Variants in PALLD observed in about 807,000 individuals in gnomAD.
The protein encoded by PALLD is palladin.
Under a neutral mutation model 123.5 loss-of-function variants are expected in PALLD, and 61 were observed. The observed-to-expected ratio is 0.49, with a 90% CI of 0.40 to 0.61. The LOEUF (loss-of-function observed/expected upper bound fraction) is 0.61, where lower values mean the gene tolerates loss of function less well. Ranked by LOEUF, PALLD falls within the 20% of genes least tolerant of loss-of-function variation. The pLI is 0.00. For missense variants in PALLD, 1,273 were observed against 1,377.0 expected, an observed-to-expected ratio of 0.92 and a Z score of 1.20; for synonymous variants, 465 against 496.4, an observed-to-expected ratio of 0.94 and a Z score of 0.84.
At chr4:168,561,401 A>G (rs1168525235) in intron 2 of PALLD, among the ~76,000 whole-genome samples, 1 of 152,134 alleles carries the variant, frequency 6.6e-6, no homozygotes, top group Admixed American at 6.5e-5. Flanking sequence ...AGCTGGGACT[A>G]CAGGCTACTA....
At position 168,574,315 on chromosome 4, in the gene PALLD, T is replaced by TAAGA. The variant is rs1057024299; in HGVS notation, c.908+61918_908+61921dup. Reference sequence around the variant, plus strand: ...AAAAACCCCCAAAGAAACAAAAAATTAAGAAAGAAAGAAAGAAAATGCTCA... The same window carrying TAAGA: ...AAAAACCCCCAAAGAAACAAAAAATTAAGAAAGAAAGAAAGAAAGAAAATGCTCA... On this transcript the variant is annotated intron_variant, in intron 2 of 21. Coordinates refer to ENST00000505667, the MANE Select transcript of PALLD (RefSeq NM_001166108.2). Among the ~76,000 whole-genome samples the TAAGA allele has an allele frequency of 7.9e-5, 12 of 152,116 alleles. No homozygotes were observed. In the East Asian group the frequency reaches 1.2e-3, roughly 15 times the overall value.
chr4:168,790,573 T>TC (rs990237383), intron 10 of PALLD, among the ~76,000 whole-genome samples: 2 of 152,226 alleles, frequency 1.3e-5, no homozygotes, highest in African/African-American at 4.8e-5. Flanking sequence ...ATCTATGCTT[T>TC]CTCACTGATT....
intron 2 of PALLD, among the ~76,000 whole-genome samples, chr4:168,586,731 A>T (rs1770859597): frequency 6.6e-6 from 1 of 152,166 alleles, no homozygotes; most frequent in Admixed American, 6.5e-5. Flanking sequence ...GGCACTCTGG[A>T]CATCCATGGA....
intron 2 of PALLD, among the ~76,000 whole-genome samples, chr4:168,660,521 C>T (rs1195073490): frequency 2.0e-5 from 3 of 152,136 alleles, no homozygotes; most frequent in Non-Finnish European, 4.4e-5. Context: ...TTTTTGGCAC[C>T]ATCTAATTTT....
At chr4:168,888,794 T>C (rs55712660) in intron 10 of PALLD, among the ~76,000 whole-genome samples, 3,824 of 152,012 alleles carry the variant, frequency 0.025, 160 homozygotes, top group African/African-American at 0.088. Context: ...TATAAGCACA[T>C]TGAAGGGTGA....
chr4:168,926,620 T>C lies in PALLD; in HGVS notation c.*440T>C, dbSNP rs1159517444. 1 of 428,010 alleles carries C rather than the reference T, an allele frequency of 2.3e-6. No homozygotes were observed. The allele number at this position is 428,010 out of a possible 1,614,324, so 26.5% of individuals were successfully genotyped here. ...ACATTTACTGTCCAATTTAAAACTT[T>C]GGAATTGCTGTGATTAAAGTGATCA... On this transcript the variant is annotated 3_prime_UTR_variant, in exon 22 of 22. Coordinates refer to ENST00000505667, the MANE Select transcript of PALLD (RefSeq NM_001166108.2).
intron 10 of PALLD, among the ~76,000 whole-genome samples, chr4:168,750,758 T>C (rs1051955078): frequency 3.9e-5 from 6 of 152,170 alleles, no homozygotes; most frequent in Admixed American, 3.9e-4. Context: ...CCTGTCCCCA[T>C]CCCCTAGTTA....
intron 10 of PALLD, among the ~76,000 whole-genome samples, chr4:168,885,204 T>C (rs1753168992): frequency 6.6e-6 from 1 of 152,230 alleles, no homozygotes; most frequent in Non-Finnish European, 1.5e-5. Flanking sequence ...AGCACTGTTT[T>C]CTGTTTCTTT....
chr4:168,752,647 G>A (rs1480103138), intron 10 of PALLD, among the ~76,000 whole-genome samples: 2 of 152,148 alleles, frequency 1.3e-5, no homozygotes, highest in Non-Finnish European at 2.9e-5. Context: ...TGTTTCCACA[G>A]AGAACATTTA....
chr4:168,594,538 C>T (rs369335548), intron 2 of PALLD, among the ~76,000 whole-genome samples: 58 of 152,116 alleles, frequency 3.8e-4, no homozygotes, highest in East Asian at 1.9e-3. Context: ...TTAATGAAAC[C>T]GGTATAGTGA....
Position 168,624,581 on chromosome 4 carries a change from T to C in PALLD, c.909-43609T>C, listed in dbSNP as rs189153428. Among the ~76,000 whole-genome samples, 176 of 152,282 alleles carry C rather than the reference T, an allele frequency of 1.2e-3. 1 individual carries two copies. Among genetic ancestry groups the C allele is most frequent in the African/African-American group, 4.1e-3 (171 of 41,568 alleles). ...CTCTTACTACTGTTATTTAACATCA[T>C]ACTAGACCTAATAGATAATGAAATT... On this transcript the variant is annotated intron_variant, in intron 2 of 21. Coordinates refer to ENST00000505667, the MANE Select transcript of PALLD (RefSeq NM_001166108.2).
At chr4:168,716,554 A>G (rs1785386839) in intron 10 of PALLD, among the ~76,000 whole-genome samples, 2 of 152,198 alleles carry the variant, frequency 1.3e-5, no homozygotes, top group South Asian at 2.1e-4. Context: ...TGCATTTTAC[A>G]ACCTTTGCTT....
intron 3 of PALLD, among the ~76,000 whole-genome samples, chr4:168,673,863 A>T (rs955156090): frequency 2.0e-5 from 3 of 151,098 alleles, no homozygotes; most frequent in African/African-American, 7.3e-5. Flanking sequence ...AGACAGAAGG[A>T]ATTAAGTGCT....
intron 10 of PALLD, among the ~76,000 whole-genome samples, chr4:168,720,572 A>G (rs1785903988): frequency 6.6e-6 from 1 of 152,238 alleles, no homozygotes; most frequent in African/African-American, 2.4e-5. Context: ...ACATAGGAGT[A>G]GTCACGGGTC....
chr4:168,804,893 G>T (rs146555180), intron 10 of PALLD, among the ~76,000 whole-genome samples: 4 of 152,018 alleles, frequency 2.6e-5, no homozygotes, highest in Admixed American at 1.3e-4. Context: ...GGGTGTGGTG[G>T]CTCACACCTG....
chr4:168,565,557 C>G lies in PALLD; in HGVS notation c.908+53145C>G, dbSNP rs559015397. ...AAGCCAGAGGAGCTCCAGAGAGAGG[C>G]ACATGAGGAGACTGGGGAGGTCAGG... On this transcript the variant is annotated intron_variant, in intron 2 of 21. Coordinates refer to ENST00000505667, the MANE Select transcript of PALLD (RefSeq NM_001166108.2). Among the ~76,000 whole-genome samples the G allele has an allele frequency of 2.0e-5, 3 of 152,134 alleles. No homozygotes were observed. The South Asian group carries it at 6.2e-4, about 32-fold the overall frequency.
intron 10 of PALLD, among the ~76,000 whole-genome samples, chr4:168,890,194 G>T (rs1215529971): frequency 6.6e-6 from 1 of 152,140 alleles, no homozygotes; most frequent in African/African-American, 2.4e-5. Flanking sequence ...CACAGCTCAG[G>T]TCATTGTTGC....
intron 10 of PALLD, among the ~76,000 whole-genome samples, chr4:168,735,133 C>A (rs1269638703): frequency 6.6e-6 from 1 of 150,854 alleles, no homozygotes; most frequent in African/African-American, 2.5e-5. Flanking sequence ...ATTCTGTTTG[C>A]CCCCTAAACA....
chr4:168,790,636 G>A (rs1313882170), intron 10 of PALLD, among the ~76,000 whole-genome samples: 1 of 151,990 alleles, frequency 6.6e-6, no homozygotes, highest in African/African-American at 2.4e-5. Context: ...GGCTCTTTCT[G>A]ATGTTCTGTT....
Sources: gnomAD v4.1 joint callset for allele counts (sites outside exome capture counted in the v4.1 genomes callset) on GRCh38, gnomAD v4.1.1 for gene constraint, MANE v1.5 for transcripts, NCBI Gene and HGNC (gene_info 2026-07-23, HGNC 2026-07-21) for gene names.